Variants in LTBP1 observed in about 807,000 individuals in gnomAD.
LTBP1 encodes latent transforming growth factor beta binding protein 1.
Under a neutral mutation model 207.6 loss-of-function variants are expected in LTBP1, and 129 were observed. That is an observed-to-expected ratio of 0.62 (90% CI 0.54 to 0.72). The LOEUF is 0.72. Ranked by LOEUF, LTBP1 falls within the 30% of genes least tolerant of loss-of-function variation. The pLI, the probability that LTBP1 is intolerant of heterozygous loss-of-function variation, is 0.00. For missense variants in LTBP1, 2,281 were observed against 2,217.2 expected, an observed-to-expected ratio of 1.03 and a Z score of -0.58; for synonymous variants, 963 against 833.7, an observed-to-expected ratio of 1.16 and a Z score of -2.67.
At chr2:33,202,011 C>G (rs1279521133) in intron 7 of LTBP1, among the ~76,000 whole-genome samples, 2 of 91,870 alleles carry the variant, frequency 2.2e-5, no homozygotes, top group Non-Finnish European at 2.0e-5. Flanking sequence ...AGCTCTAAAG[C>G]TTAGCACTGG....
intron 32 of LTBP1, among the ~76,000 whole-genome samples, chr2:33,396,319 C>G (rs963302484): frequency 1.3e-5 from 2 of 152,114 alleles, no homozygotes. Flanking sequence ...CTCTCAGGCT[C>G]AAGCGATTCT....
chr2:33,244,860 TTATCTATC>T (rs71409605), intron 10 of LTBP1, among the ~76,000 whole-genome samples: 8 of 150,850 alleles, frequency 5.3e-5, no homozygotes, highest in East Asian at 2.0e-4. Flanking sequence ...GTTTTTGTTT[TTATCTATC>T]TATCTATCTA....
At chr2:32,963,369 T>TG (rs1679438513) in intron 2 of LTBP1, among the ~76,000 whole-genome samples, 1 of 110,070 alleles carries the variant, frequency 9.1e-6, no homozygotes, top group Non-Finnish European at 2.0e-5. Flanking sequence ...CATGCCCAGC[T>TG]ATTTTTTTTT....
chr2:33,079,947 C>CT (rs11384362), intron 3 of LTBP1, among the ~76,000 whole-genome samples: 114,550 of 152,104 alleles, frequency 0.75, 45,378 homozygotes, highest in East Asian at 0.98. Flanking sequence ...GACTAAAAAA[C>CT]TTTAACTATG....
chr2:33,121,904 G>C (rs1470982412), intron 4 of LTBP1, among the ~76,000 whole-genome samples: 1 of 152,028 alleles, frequency 6.6e-6, no homozygotes. Flanking sequence ...ATATAGTTTT[G>C]TTAAGAATGA....
At chr2:33,246,004 T>A (rs2092496306) in intron 10 of LTBP1, among the ~76,000 whole-genome samples, 1 of 152,238 alleles carries the variant, frequency 6.6e-6, no homozygotes, top group Non-Finnish European at 1.5e-5. Context: ...ACTTGCACAT[T>A]TCCTTAGCAT....
At chr2:33,303,559 C>T (rs1310863630) in intron 22 of LTBP1, among the ~76,000 whole-genome samples, 2 of 151,978 alleles carry the variant, frequency 1.3e-5, no homozygotes, top group East Asian at 3.9e-4. Flanking sequence ...ACCGTGTTAA[C>T]CTGGATGGTC....
At chr2:33,189,535 A>C (rs763918453) in intron 7 of LTBP1, among the ~76,000 whole-genome samples, 2 of 151,954 alleles carry the variant, frequency 1.3e-5, no homozygotes, top group South Asian at 4.1e-4. Context: ...ACCTGTTTCT[A>C]TTTTTTCAGT....
chr2:33,346,134 G>A (rs2094697838), intron 25 of LTBP1, among the ~76,000 whole-genome samples: 1 of 152,136 alleles, frequency 6.6e-6, no homozygotes, highest in African/African-American at 2.4e-5. Context: ...AATTTGAAAA[G>A]GTGTCATGAG....
At chr2:33,033,614 C>CTTT (rs36113954) in intron 3 of LTBP1, among the ~76,000 whole-genome samples, 20,316 of 137,962 alleles carry the variant, frequency 0.15, 1,483 homozygotes, top group South Asian at 0.22. Context: ...AAAAAAGGGA[C>CTTT]TTTTTTTTTT....
chr2:33,230,027 G>T lies in LTBP1; in HGVS notation c.1876+7876G>T, dbSNP rs150091081. Among the ~76,000 whole-genome samples, 4 of 152,280 alleles carry T rather than the reference G, an allele frequency of 2.6e-5. No homozygotes were observed. In the East Asian group the frequency reaches 7.7e-4, roughly 29 times the overall value. On this transcript the variant is annotated intron_variant, in intron 9 of 33. Coordinates refer to ENST00000404816, the MANE Select transcript of LTBP1 (RefSeq NM_206943.4). ...TTTCACTCCCTTTGTGATATTGATG[G>T]TCAGTAAAATGAAATCGAACTTGCT...
At chr2:32,971,239 TAGAG>T (rs535516802) in intron 2 of LTBP1, among the ~76,000 whole-genome samples, 9 of 152,030 alleles carry the variant, frequency 5.9e-5, no homozygotes, top group Admixed American at 1.3e-4. Flanking sequence ...TGTCTGCAAA[TAGAG>T]AGAGTTTGAC....
At position 32,958,139 on chromosome 2, in the gene LTBP1, C is replaced by CT. The variant is rs1387259072; in HGVS notation, c.565+9197dup. On this transcript the variant is annotated intron_variant, in intron 2 of 33. Transcript: ENST00000404816. ...ACGGAGCTCCTAATTGACCTTAATA[C>CT]TTTCTCACTGTGTAATCTCGGACAG... 2.6e-5 allele frequency among the ~76,000 whole-genome samples: 4 copies of CT among 152,172 alleles called. No individual in the cohort carries two copies. In the East Asian group the frequency reaches 5.8e-4, roughly 22 times the overall value.
chr2:33,032,322 A>G (rs888542561), intron 3 of LTBP1, among the ~76,000 whole-genome samples: 1 of 152,176 alleles, frequency 6.6e-6, no homozygotes, highest in Admixed American at 6.5e-5. Flanking sequence ...AGAATAATCA[A>G]GGTCTTTTTT....
chr2:32,997,842 C>T (rs1024043720), intron 2 of LTBP1, among the ~76,000 whole-genome samples: 2 of 152,142 alleles, frequency 1.3e-5, no homozygotes, highest in Non-Finnish European at 2.9e-5. Context: ...GGAGCCCCAC[C>T]CAGAGACCAT....
chr2:33,396,688 G>A (rs954823317), intron 32 of LTBP1, among the ~76,000 whole-genome samples: 2 of 152,152 alleles, frequency 1.3e-5, no homozygotes, highest in African/African-American at 4.8e-5. Flanking sequence ...TCTTACAAAC[G>A]CCGGCTGAAA....
intron 24 of LTBP1, among the ~76,000 whole-genome samples, chr2:33,329,504 C>T (rs2094469751): frequency 6.6e-6 from 1 of 152,072 alleles, no homozygotes; most frequent in African/African-American, 2.4e-5. Flanking sequence ...ATGTTGTCTT[C>T]TGATAGCTTT....
intron 3 of LTBP1, among the ~76,000 whole-genome samples, chr2:33,052,240 C>T (rs937740085): frequency 5.3e-5 from 8 of 152,188 alleles, no homozygotes; most frequent in Admixed American, 3.9e-4. Context: ...CAAAGTTTAC[C>T]GATTGCCAAA....
intron 3 of LTBP1, among the ~76,000 whole-genome samples, chr2:33,034,069 C>T (rs1263847027): frequency 6.6e-6 from 1 of 152,062 alleles, no homozygotes; most frequent in East Asian, 1.9e-4. Flanking sequence ...TTGTGACTGG[C>T]TGTTAGGGCA....
Sources: allele counts gnomAD v4.1 joint callset (sites outside exome capture counted in the v4.1 genomes callset), GRCh38; gene constraint gnomAD v4.1.1; transcripts MANE v1.5; gene names NCBI Gene and HGNC (gene_info 2026-07-23, HGNC 2026-07-21).